Variants in MYO9A observed in about 807,000 individuals in gnomAD.
The protein encoded by MYO9A is unconventional myosin-IXa.
Under a neutral mutation model 293.3 loss-of-function variants are expected in MYO9A, and 103 were observed. The observed-to-expected ratio is 0.35, with a 90% CI of 0.30 to 0.41. MYO9A has a LOEUF of 0.41. MYO9A is among the 10% of genes least tolerant of loss of function. The probability of loss-of-function intolerance (pLI) is 1.00; values close to 1 mark genes in which losing one functional copy is unlikely to be tolerated. For synonymous variants in MYO9A, 1,001 were observed against 1,035.7 expected, an observed-to-expected ratio of 0.97 and a Z score of 0.64; for missense variants, 2,685 against 3,033.0, an observed-to-expected ratio of 0.89 and a Z score of 2.69.
In MYO9A at chr15:71,898,484, T is replaced by C; in HGVS notation, c.4019A>G (p.Gln1340Arg). 2 of 1,614,100 alleles carry C rather than the reference T, an allele frequency of 1.2e-6. No individual in the cohort carries two copies. The highest frequency in any genetic ancestry group is 8.5e-7 in the Non-Finnish European group (1 of 1,180,028). Residue 1340 changes from glutamine (Q) to arginine (R), a missense_variant, in exon 25 of 42, where the codon CAA becomes CGA. Coordinates refer to ENST00000356056, the MANE Select transcript of MYO9A (RefSeq NM_006901.4). Reference protein sequence around the residue: ...SLELLSYEESQKSKLESVISD... With the variant: ...SLELLSYEESRKSKLESVISD... ...AATGACAGACTCTAGTTTGCTCTTT[T>C]GGCTTTCCTCATAGCTCAGAAGTTC...
Position 71,827,116 on chromosome 15 carries a change from G to A in MYO9A, c.7184-73C>T, listed in dbSNP as rs954842532. ...GCAAATCATCATATAATGAATAGAT[G>A]CCACTGTTCACACATGAAATTGGGT... On this transcript the variant is annotated intron_variant, in intron 41 of 41. Transcript: ENST00000356056. 29 of 1,164,912 alleles carry A rather than the reference G, an allele frequency of 2.5e-5. No individual in the cohort carries two copies. The South Asian group carries it at 3.7e-4, about 15-fold the overall frequency. 72.2% of individuals were successfully genotyped at this position (1,164,912 alleles called of 1,614,324 possible).
Position 71,938,910 on chromosome 15 carries a change from G to C in MYO9A, c.2320C>G (p.Pro774Ala), listed in dbSNP as rs2058701869. The stretch of plus-strand genomic sequence containing the variant: ...TGGAGATCAGAAAGAGGTGTTCTGG[G>C]ATTTTTCCGGGTTATACCTAGCAAA... ...EEKYSITRKNPRTPLSDLQGM... is the reference protein window; with the variant it reads ...EEKYSITRKNARTPLSDLQGM... Residue 774 changes from proline (P) to alanine (A), a missense_variant, in exon 16 of 42, where the codon CCC (proline) becomes GCC (alanine). Coordinates refer to ENST00000356056, the MANE Select transcript of MYO9A (RefSeq NM_006901.4). The C allele has an allele frequency of 6.2e-7, 1 of 1,610,310 alleles. No individual in the cohort carries two copies. The highest frequency in any genetic ancestry group is 8.5e-7 in the Non-Finnish European group (1 of 1,178,400).
At chr15:71,850,591 C>T (rs555718455) in intron 37 of MYO9A, among the ~76,000 whole-genome samples, 5 of 137,486 alleles carry the variant, frequency 3.6e-5, no homozygotes, top group Non-Finnish European at 6.2e-5. Flanking sequence ...ATGGCAAAAC[C>T]TTGTCTCTAC....
chr15:72,032,344 TA>T (rs1332687379), intron 3 of MYO9A, 149 bp downstream of exon 3: 5 of 476,296 alleles, frequency 1.0e-5, no homozygotes, highest in Non-Finnish European at 1.8e-5. Context: ...TCTGAGGTTT[TA>T]ACTTTTCCAA....
intron 21 of MYO9A, 52 bp from the exon 22 acceptor site, chr15:71,903,115 A>C (rs1020514202): frequency 4.9e-6 from 7 of 1,434,580 alleles, no homozygotes; most frequent in Non-Finnish European, 6.7e-6. Context: ...GTATGTAAAC[A>C]AGACCTTAAA....
chr15:72,032,612 T>C (rs200345471), intron 2 of MYO9A, 24 bp from the exon 3 acceptor site: 4 of 1,555,160 alleles, frequency 2.6e-6, no homozygotes, highest in Non-Finnish European at 3.5e-6. Context: ...TAATTCTCAT[T>C]AGTTTCACTA....
At chr15:71,829,887 C>G (rs1299740626) in intron 40 of MYO9A, among the ~76,000 whole-genome samples, 2 of 152,094 alleles carry the variant, frequency 1.3e-5, no homozygotes, top group Admixed American at 1.3e-4. Context: ...CTGTAGCAGC[C>G]TCAGGTTTCC....
Position 71,827,010 on chromosome 15 carries a change from G to A in MYO9A, c.7217C>T (p.Ala2406Val), listed in dbSNP as rs748840947. ...RSLALSSLKT[A>V]GKSEPSSKLR... is the part of the protein sequence containing the mutation. ...CTTGCTGGAAGGTTCAGACTTGCCAGCTGTCTTCAGGGAGCTAAGGGCTAA... is the reference window on the plus strand; with the variant it reads ...CTTGCTGGAAGGTTCAGACTTGCCAACTGTCTTCAGGGAGCTAAGGGCTAA... The change falls in exon 42 of 42, where the codon GCT becomes GTT. Residue 2406 changes from alanine (A) to valine (V), a missense_variant. Transcript: ENST00000356056. 2 of 1,605,350 alleles carry A rather than the reference G, an allele frequency of 1.2e-6. No homozygotes were observed.
chr15:72,079,337 T>C (rs2079468118), intron 1 of MYO9A, among the ~76,000 whole-genome samples: 1 of 152,112 alleles, frequency 6.6e-6, no homozygotes, highest in Non-Finnish European at 1.5e-5. Context: ...AAATAAAGTA[T>C]ATTAATTAAA....
chr15:71,939,012 A>AT (rs2146026904), intron 15 of MYO9A, 85 bp from the exon 16 acceptor site: 1 of 1,013,004 alleles, frequency 9.9e-7, no homozygotes, highest in South Asian at 1.5e-5. Flanking sequence ...ACAAACGAAA[A>AT]TTTAATCACG....
rs998680219 is a variant in MYO9A at position 71,951,777 on chromosome 15, T to G, written c.2302A>C (p.Ser768Arg). 11 of 1,613,772 alleles carry G rather than the reference T, an allele frequency of 6.8e-6. No individual in the cohort carries two copies. The highest frequency in any genetic ancestry group is 1.3e-5 in the African/African-American group (1 of 74,930). ...AGTTTATCAGGATTTGTAGCCTTACTGTACTTCTCTTCCTTGCATCTCTGC... is the reference window on the plus strand; with the variant it reads ...AGTTTATCAGGATTTGTAGCCTTACGGTACTTCTCTTCCTTGCATCTCTGC... Reference protein sequence around the residue: ...ILQRCKEEKYSITRKNPRTPL... With the variant: ...ILQRCKEEKYRITRKNPRTPL... The change falls in exon 15 of 42, where the codon AGT becomes CGT. Residue 768 changes from serine (S) to arginine (R), a missense_variant and splice_region_variant. Coordinates refer to ENST00000356056, the MANE Select transcript of MYO9A (RefSeq NM_006901.4).
rs114306786 is a variant in MYO9A at position 72,077,632 on chromosome 15, G to A, written c.-71-30998C>T. On this transcript the variant is annotated intron_variant, in intron 1 of 41. Transcript: ENST00000356056. Reference sequence around the variant, plus strand: ...ACTTGAACCGGGGTGACGGCAGGGTGGTGGCAGGGTGGCGGGGGGCGGCGC... The same window carrying A: ...ACTTGAACCGGGGTGACGGCAGGGTAGTGGCAGGGTGGCGGGGGGCGGCGC... Among the ~76,000 whole-genome samples, 1,099 of 151,380 alleles carry A rather than the reference G, an allele frequency of 7.3e-3. 15 individuals carry two copies. Among genetic ancestry groups the A allele is most frequent in the African/African-American group, 0.025 (1,050 of 41,224 alleles).
At chr15:72,027,828 T>TA in intron 3 of MYO9A, 35 bp from the exon 4 acceptor site, 1 of 1,410,834 alleles carries the variant, frequency 7.1e-7, no homozygotes, top group Non-Finnish European at 9.9e-7. Context: ...ATATAAATAA[T>TA]AAAGTTTAAT....
At chr15:71,903,589 A>G (rs532754644) in intron 21 of MYO9A, among the ~76,000 whole-genome samples, 1 of 152,350 alleles carries the variant, frequency 6.6e-6, no homozygotes, top group Non-Finnish European at 1.5e-5. Flanking sequence ...GGGAAAACCA[A>G]ATAGAATCTT....
intron 1 of MYO9A, among the ~76,000 whole-genome samples, chr15:72,109,006 A>G (rs1263575099): frequency 6.6e-6 from 1 of 152,120 alleles, no homozygotes; most frequent in Non-Finnish European, 1.5e-5. Context: ...CAGGTGATCC[A>G]CCTGCCTCGG....
chr15:71,945,288 T>C (rs2058883708), intron 15 of MYO9A, among the ~76,000 whole-genome samples: 1 of 152,206 alleles, frequency 6.6e-6, no homozygotes, highest in African/African-American at 2.4e-5. Context: ...CAGTTCATAC[T>C]GAGTTTTGGC....
intron 12 of MYO9A, among the ~76,000 whole-genome samples, chr15:71,974,451 C>G (rs183162338): frequency 4.2e-4 from 64 of 152,218 alleles, no homozygotes; most frequent in Non-Finnish European, 8.7e-4. Flanking sequence ...GTATGACTAT[C>G]CAATTCTTCC....
chr15:72,000,188 T>C (rs532333197), intron 8 of MYO9A, among the ~76,000 whole-genome samples: 94 of 152,356 alleles, frequency 6.2e-4, no homozygotes, highest in African/African-American at 2.2e-3. Flanking sequence ...TGTTTCATTG[T>C]GCAGAATACA....
chr15:71,978,159 A>G lies in MYO9A; in HGVS notation c.1844+12T>C. 5 of 1,609,968 alleles carry G rather than the reference A, an allele frequency of 3.1e-6. No individual in the cohort carries two copies. Among genetic ancestry groups the G allele is most frequent in the Non-Finnish European group, 4.2e-6 (5 of 1,179,000 alleles). Reference sequence around the variant, plus strand: ...AACAGCCAATAACAAAATTGAAAAGAATCACACTCACTTGCTTTCTTCATC... The same window carrying G: ...AACAGCCAATAACAAAATTGAAAAGGATCACACTCACTTGCTTTCTTCATC... On this transcript the variant is annotated intron_variant, in intron 12 of 41. Coordinates refer to ENST00000356056, the MANE Select transcript of MYO9A (RefSeq NM_006901.4).
Sources: gnomAD v4.1 joint callset for allele counts (sites outside exome capture counted in the v4.1 genomes callset) on GRCh38, gnomAD v4.1.1 for gene constraint, MANE v1.5 for transcripts, NCBI Gene and HGNC (gene_info 2026-07-23, HGNC 2026-07-21) for gene names.